Variants in MROH2B observed in about 807,000 individuals in gnomAD.
The protein encoded by MROH2B is maestro heat like repeat family member 2B.
In MROH2B, 177 loss-of-function variants were observed where a neutral mutation model predicts 208.6. That is an observed-to-expected ratio of 0.85 (90% CI 0.75 to 0.96). The LOEUF is 0.96. MROH2B is among the 40% of genes least tolerant of loss of function. The pLI is 0.00. For synonymous variants in MROH2B, 728 were observed against 659.0 expected, an observed-to-expected ratio of 1.10 and a Z score of -1.60; for missense variants, 2,002 against 1,878.7, an observed-to-expected ratio of 1.07 and a Z score of -1.21.
intron 30 of MROH2B, among the ~76,000 whole-genome samples, chr5:41,011,319 T>G (rs2111837640): frequency 6.6e-6 from 1 of 152,322 alleles, no homozygotes; most frequent in South Asian, 2.1e-4. Flanking sequence ...TACCACAGAT[T>G]TCCAGGTCAA....
intron 38 of MROH2B, 25 bp downstream of exon 38, chr5:41,000,653 G>A: frequency 6.3e-7 from 1 of 1,595,852 alleles, no homozygotes; most frequent in Non-Finnish European, 8.5e-7. Flanking sequence ...AGCAGGAGGT[G>A]CAGGTGTCTG....
At position 41,039,492 on chromosome 5, in the gene MROH2B, T is replaced by C; in HGVS notation, c.2017A>G (p.Lys673Glu). 1 of 1,606,704 alleles carries C rather than the reference T, an allele frequency of 6.2e-7. No individual in the cohort carries two copies. The highest frequency in any genetic ancestry group is 8.5e-7 in the Non-Finnish European group (1 of 1,175,872). Reference protein sequence around the residue: ...NHLDIVLKVLKTFQNQEKFFM... With the variant: ...NHLDIVLKVLETFQNQEKFFM... ...AACTTTTCCTGATTTTGGAATGTTT[T>C]AAGAACTTTTAAAACAATATCCAAA... Residue 673 changes from lysine (K) to glutamate (E), a missense_variant, in exon 20 of 42, where the codon AAA (lysine) becomes GAA (glutamate). Coordinates refer to ENST00000399564, the MANE Select transcript of MROH2B (RefSeq NM_173489.5).
Position 41,058,154 on chromosome 5 carries a change from T to A in MROH2B, c.665A>T (p.His222Leu). ...GGCGTATCCACGGAAGTCTTCCCGA[T>A]GCAGCAGCAAGCTCACCGTGGGCCC... The part of the protein sequence containing the change: ...AHGPTVSLLL[H>L]REDFRGYALG... Residue 222 changes from histidine to leucine, a missense_variant, in exon 7 of 42, where the codon CAT becomes CTT. Physicochemically the swap from His to Leu is moderately conservative, Grantham distance 99. Coordinates refer to ENST00000399564, the MANE Select transcript of MROH2B (RefSeq NM_173489.5). 1 of 1,606,820 alleles carries A rather than the reference T, an allele frequency of 6.2e-7. No individual in the cohort carries two copies. The highest frequency in any genetic ancestry group is 8.5e-7 in the Non-Finnish European group (1 of 1,176,370).
intron 28 of MROH2B, among the ~76,000 whole-genome samples, chr5:41,017,030 A>G (rs1052948989): frequency 7.9e-5 from 12 of 152,170 alleles, no homozygotes; most frequent in African/African-American, 2.9e-4. Flanking sequence ...CAGCATTAGA[A>G]CAGTGCCTGA....
At chr5:41,022,767 T>C (rs1742198433) in intron 24 of MROH2B, among the ~76,000 whole-genome samples, 1 of 152,160 alleles carries the variant, frequency 6.6e-6, no homozygotes, top group Non-Finnish European at 1.5e-5. Context: ...CCTGATGCCC[T>C]AGTAGCCTAA....
intron 24 of MROH2B, among the ~76,000 whole-genome samples, chr5:41,032,119 T>C (rs1022124026): frequency 6.6e-6 from 1 of 152,132 alleles, no homozygotes; most frequent in Non-Finnish European, 1.5e-5. Flanking sequence ...GGTTGAATTG[T>C]AGCTCTCCTT....
intron 18 of MROH2B, among the ~76,000 whole-genome samples, chr5:41,044,861 C>G (rs771561238): frequency 2.6e-5 from 4 of 152,160 alleles, no homozygotes; most frequent in African/African-American, 4.8e-5. Flanking sequence ...AGACCATGAT[C>G]AAAGCTACTT....
Position 41,017,908 on chromosome 5 carries a change from G to C in MROH2B, c.2826C>G (p.Thr942=), listed in dbSNP as rs1478830567. The C allele has an allele frequency of 1.3e-6, 2 of 1,587,552 alleles. No homozygotes were observed. The highest frequency in any genetic ancestry group is 1.7e-6 in the Non-Finnish European group (2 of 1,166,216). ...CAGCCGCCTGACGGATGGTGGGCAG[G>C]GTATCACAGGAGTGAGGAGCCAGAA... ...LGLLAPHSCD[T]LPTIRQAAAS... Residue 942 remains threonine (T), a synonymous_variant, in exon 28 of 42, where the codon ACC becomes ACG. Coordinates refer to ENST00000399564, the MANE Select transcript of MROH2B (RefSeq NM_173489.5).
chr5:41,039,119 A>G (rs1317414104), intron 20 of MROH2B, among the ~76,000 whole-genome samples: 27 of 152,104 alleles, frequency 1.8e-4, no homozygotes, highest in Non-Finnish European at 1.0e-4. Context: ...TTTGTTTATT[A>G]TATATACTTA....
chr5:41,032,748 T>C lies in MROH2B; in HGVS notation c.2435A>G (p.Tyr812Cys). The C allele has an allele frequency of 6.2e-7, 1 of 1,611,922 alleles. No homozygotes were observed. The highest frequency in any genetic ancestry group is 1.1e-5 in the South Asian group (1 of 90,832). ...ACAACTAAAAATTATCTACCTGAGA[T>C]ACCTAATGGCGATTAAGGCTTTCCA... ...IRWKALIAIR[Y>C]LSKLKPQLSL... The change falls in exon 24 of 42, where the codon TAT becomes TGT. Residue 812 changes from tyrosine (Y) to cysteine (C), a missense_variant. By Grantham distance (194) the Tyr-to-Cys change is radical. Transcript: ENST00000399564.
At chr5:41,051,898 G>A (rs1743296250) in intron 12 of MROH2B, among the ~76,000 whole-genome samples, 1 of 152,112 alleles carries the variant, frequency 6.6e-6, no homozygotes, top group African/African-American at 2.4e-5. Context: ...TCATATAACA[G>A]ATACATTTCT....
rs35282921 is a variant in MROH2B at position 41,044,249 on chromosome 5, CAAA to C, written c.1836+1494_1836+1496del. 3.5e-3 allele frequency among the ~76,000 whole-genome samples: 458 copies of C among 129,190 alleles called. 3 individuals are homozygous for C. Among genetic ancestry groups the C allele is most frequent in the African/African-American group, 0.011 (384 of 34,128 alleles). The allele number at this position is 129,190 out of a possible 152,430, so 84.8% of individuals were successfully genotyped here. A position where few individuals can be genotyped will look rare whatever the true frequency, so the allele number is the denominator to read the frequency against. On this transcript the variant is annotated intron_variant, in intron 18 of 41. Transcript: ENST00000399564. ...TGGGTGACAGAGCAAGACTCCATCTCAAAAAAAAAAAAAAAAATGCATCATGTA... is the reference window on the plus strand; with the variant it reads ...TGGGTGACAGAGCAAGACTCCATCTCAAAAAAAAAAAAAATGCATCATGTA...
rs374597136 is a variant in MROH2B at position 41,042,179 on chromosome 5, G to A, written c.1866C>T (p.Thr622=). 1 of 1,589,626 alleles carries A rather than the reference G, an allele frequency of 6.3e-7. No homozygotes were observed. Among genetic ancestry groups the A allele is most frequent in the Non-Finnish European group, 8.6e-7 (1 of 1,166,854 alleles). Residue 622 remains threonine (T), a synonymous_variant, in exon 19 of 42, where the codon ACC becomes ACT. Coordinates refer to ENST00000399564, the MANE Select transcript of MROH2B (RefSeq NM_173489.5). ...KKFLWKALGT[T]LACCQDSDFV... ...AGTCTGAATCTTGGCAGCATGCTAA[G>A]GTGGTTCCCAAGGCTTTCCAAAGGA...
intron 18 of MROH2B, among the ~76,000 whole-genome samples, chr5:41,044,716 A>T (rs1743063251): frequency 2.0e-5 from 3 of 152,232 alleles, no homozygotes. Context: ...ATCAATGAGG[A>T]GAATTTTGAA....
rs367639574 is a variant in MROH2B at position 41,000,344 on chromosome 5, C to T, written c.4358G>A (p.Arg1453His). Residue 1453 changes from arginine to histidine, a missense_variant, in exon 39 of 42, where the codon CGT (arginine) becomes CAT (histidine). Coordinates refer to ENST00000399564, the MANE Select transcript of MROH2B (RefSeq NM_173489.5). The part of the protein sequence containing the change: ...DPNPKIGVAC[R>H]DVLMVCIPFL... ...GGGAATGCAGACCATCAAGACATCA[C>T]GGCAAGCCTGGAAAACAGAGTTTTC... The T allele has an allele frequency of 2.0e-5, 33 of 1,613,202 alleles. No individual in the cohort carries two copies. The highest frequency in any genetic ancestry group is 1.3e-4 in the African/African-American group (10 of 74,870).
chr5:41,047,872 T>G (rs1579947003), intron 16 of MROH2B, 108 bp from the exon 17 acceptor site: 1 of 932,930 alleles, frequency 1.1e-6, no homozygotes, highest in East Asian at 2.7e-5. Context: ...TTAAGCTTTC[T>G]TTTTGCTCAT....
At chr5:41,023,258 A>T (rs1742222769) in intron 24 of MROH2B, among the ~76,000 whole-genome samples, 1 of 152,020 alleles carries the variant, frequency 6.6e-6, no homozygotes, top group Non-Finnish European at 1.5e-5. Context: ...TAAAGGAGGA[A>T]GTTCGAACCC....
intron 35 of MROH2B, 176 bp from the exon 36 acceptor site, chr5:41,005,096 G>C (rs975788449): frequency 1.3e-6 from 1 of 779,016 alleles, no homozygotes; most frequent in Admixed American, 3.1e-5. Flanking sequence ...GATATGAGCA[G>C]CGCACAGGTC....
chr5:41,061,286 T>G (rs1365618786), intron 6 of MROH2B, among the ~76,000 whole-genome samples: 1 of 152,232 alleles, frequency 6.6e-6, no homozygotes, highest in African/African-American at 2.4e-5. Flanking sequence ...CATACTGAAA[T>G]GTCAATTTCA....
Sources: gnomAD v4.1 joint callset for allele counts (sites outside exome capture counted in the v4.1 genomes callset) on GRCh38, gnomAD v4.1.1 for gene constraint, MANE v1.5 for transcripts, NCBI Gene and HGNC (gene_info 2026-07-23, HGNC 2026-07-21) for gene names.